Variants in ABCA13 observed in about 807,000 individuals in gnomAD.
The protein encoded by ABCA13 is ATP binding cassette subfamily A member 13.
A neutral mutation model predicts 478.7 loss-of-function variants in ABCA13; 476 were observed. The observed-to-expected ratio is 0.99, with a 90% CI of 0.92 to 1.07. The LOEUF (loss-of-function observed/expected upper bound fraction) is 1.07, where lower values mean the gene tolerates loss of function less well. Ranked by LOEUF, ABCA13 falls within the 50% of genes least tolerant of loss-of-function variation. The pLI, the probability that ABCA13 is intolerant of heterozygous loss-of-function variation, is 0.00. For missense variants in ABCA13, 6,060 were observed against 5,910.6 expected, an observed-to-expected ratio of 1.03 and a Z score of -0.83; for synonymous variants, 2,252 against 2,158.9, an observed-to-expected ratio of 1.04 and a Z score of -1.20.
Position 48,547,204 on chromosome 7 carries a change from A to G in ABCA13, c.14354+18859A>G, listed in dbSNP as rs1170423679. 1.3e-5 allele frequency among the ~76,000 whole-genome samples: 2 copies of G among 151,868 alleles called. 1 individual carries two copies. Among genetic ancestry groups the G allele is most frequent in the Non-Finnish European group, 2.9e-5 (2 of 67,872 alleles). On this transcript the variant is annotated intron_variant, in intron 55 of 61. Transcript: ENST00000435803. The stretch of plus-strand genomic sequence containing the variant: ...CATTTCATTCAGTTTTTAAATTTAC[A>G]TCATCATATCAAAATGTTTTCAGAA...
intron 27 of ABCA13, among the ~76,000 whole-genome samples, chr7:48,319,628 G>GA (rs534455246): frequency 7.9e-5 from 12 of 151,780 alleles, no homozygotes; most frequent in Non-Finnish European, 1.5e-4. Context: ...ATTTTTGCAG[G>GA]AAAAAAAATC....
intron 55 of ABCA13, among the ~76,000 whole-genome samples, chr7:48,536,375 C>T (rs896032090): frequency 1.3e-5 from 2 of 152,146 alleles, no homozygotes; most frequent in Non-Finnish European, 1.5e-5. Context: ...AGGCCAGGTG[C>T]AGTGGCTCAC....
chr7:48,492,827 A>T (rs1380821615), intron 48 of ABCA13, among the ~76,000 whole-genome samples: 1 of 152,018 alleles, frequency 6.6e-6, no homozygotes, highest in Non-Finnish European at 1.5e-5. Flanking sequence ...GGAGTTCGAG[A>T]CCAGCCTGGC....
chr7:48,500,624 A>T (rs1290943750), intron 48 of ABCA13, among the ~76,000 whole-genome samples: 1 of 152,214 alleles, frequency 6.6e-6, no homozygotes, highest in African/African-American at 2.4e-5. Context: ...GTAGTGATTG[A>T]TAAGCTAAAT....
At chr7:48,255,308 T>G (rs558349530) in intron 15 of ABCA13, among the ~76,000 whole-genome samples, 233 of 152,286 alleles carry the variant, frequency 1.5e-3, no homozygotes, top group Admixed American at 3.1e-3. Flanking sequence ...AGATTAGCCA[T>G]GTGATTTGGT....
intron 41 of ABCA13, among the ~76,000 whole-genome samples, chr7:48,419,540 C>T (rs1820457270): frequency 6.8e-6 from 1 of 147,780 alleles, no homozygotes; most frequent in Admixed American, 6.7e-5. Flanking sequence ...AGTAATTCTT[C>T]CACGTAACAT....
At chr7:48,185,284 A>C (rs1269065324) in intron 1 of ABCA13, among the ~76,000 whole-genome samples, 1 of 152,188 alleles carries the variant, frequency 6.6e-6, no homozygotes, top group Non-Finnish European at 1.5e-5. Flanking sequence ...CTTATTATGG[A>C]ACTAATAGCA....
chr7:48,290,366 A>G (rs902034125), intron 20 of ABCA13, among the ~76,000 whole-genome samples: 1 of 152,150 alleles, frequency 6.6e-6, no homozygotes, highest in African/African-American at 2.4e-5. Context: ...TCTAGGCCTG[A>G]TGTAGCCGGA....
intron 5 of ABCA13, 89 bp downstream of exon 5, chr7:48,221,398 G>T (rs1787342297): frequency 1.5e-6 from 1 of 676,630 alleles, no homozygotes; most frequent in Non-Finnish European, 2.3e-6. Context: ...CATTTTCAAA[G>T]ATTATTTCTA....
intron 15 of ABCA13, among the ~76,000 whole-genome samples, chr7:48,258,868 A>G (rs1043114612): frequency 6.6e-6 from 1 of 152,078 alleles, no homozygotes; most frequent in Non-Finnish European, 1.5e-5. Flanking sequence ...TATTGTACCT[A>G]TAAGTCATGC....
chr7:48,425,632 G>A (rs1036566486), intron 41 of ABCA13, among the ~76,000 whole-genome samples: 2 of 152,146 alleles, frequency 1.3e-5, no homozygotes, highest in African/African-American at 2.4e-5. Flanking sequence ...TCTAGCTACT[G>A]TTGAGACCAG....
At chr7:48,644,543 A>T in intron 60 of ABCA13, 74 bp from the exon 61 acceptor site, 1 of 1,465,852 alleles carries the variant, frequency 6.8e-7, no homozygotes, top group Non-Finnish European at 9.1e-7. Flanking sequence ...TTTGCCAATT[A>T]AATGTAGTAT....
At chr7:48,482,384 AAT>A (rs1638780444) in intron 46 of ABCA13, among the ~76,000 whole-genome samples, 1 of 128,796 alleles carries the variant, frequency 7.8e-6, no homozygotes, top group African/African-American at 2.8e-5. Flanking sequence ...ACTATTAAGA[AAT>A]TTTTTTTTTT....
intron 42 of ABCA13, among the ~76,000 whole-genome samples, chr7:48,435,110 A>G (rs917712462): frequency 1.3e-5 from 2 of 151,864 alleles, no homozygotes; most frequent in Non-Finnish European, 3.0e-5. Context: ...TGATATCTCA[A>G]AAATATTAAG....
chr7:48,358,160 A>G (rs894931964), intron 31 of ABCA13, among the ~76,000 whole-genome samples: 6 of 145,892 alleles, frequency 4.1e-5, no homozygotes, highest in Admixed American at 1.4e-4. Flanking sequence ...GAAAAGAAAA[A>G]AAAGAAAGGA....
intron 15 of ABCA13, among the ~76,000 whole-genome samples, chr7:48,255,534 C>T (rs1793249305): frequency 6.6e-6 from 1 of 151,978 alleles, no homozygotes; most frequent in South Asian, 2.1e-4. Context: ...TATTTAGTTC[C>T]CACTTATAAA....
intron 1 of ABCA13, among the ~76,000 whole-genome samples, chr7:48,177,330 T>C (rs1795013356): frequency 6.6e-6 from 1 of 152,180 alleles, no homozygotes; most frequent in African/African-American, 2.4e-5. Context: ...GAAAAAGTCT[T>C]GAACTAACTA....
intron 15 of ABCA13, 84 bp from the exon 16 acceptor site, chr7:48,268,888 TATTAGGTG>T: frequency 2.5e-6 from 1 of 407,488 alleles, no homozygotes; most frequent in Non-Finnish European, 4.6e-6. Context: ...TTTTCAACCA[TATTAGGTG>T]AACTACTCTA....
At chr7:48,219,775 C>A (rs1787073574) in intron 4 of ABCA13, among the ~76,000 whole-genome samples, 2 of 152,200 alleles carry the variant, frequency 1.3e-5, no homozygotes, top group South Asian at 4.1e-4. Flanking sequence ...ACTTTGTCTC[C>A]ACAGTTACCT....
Sources: gnomAD v4.1 joint callset for allele counts (sites outside exome capture counted in the v4.1 genomes callset) on GRCh38, gnomAD v4.1.1 for gene constraint, MANE v1.5 for transcripts, NCBI Gene and HGNC (gene_info 2026-07-23, HGNC 2026-07-21) for gene names.